BRCA2: variants seen among roughly 807,000 people sequenced by gnomAD.
BRCA2 encodes the protein breast cancer type 2 susceptibility protein.
A neutral mutation model predicts 276.7 loss-of-function variants in BRCA2; 203 were observed. The ratio of observed to expected loss-of-function variants is 0.73; its 90% CI spans 0.65 to 0.82. The LOEUF (loss-of-function observed/expected upper bound fraction) is 0.82. Among genes scored for constraint, BRCA2 ranks in the 40% least tolerant of loss-of-function variants. BRCA2 has a pLI of 0.00. For missense variants in BRCA2, 3,920 were observed against 3,915.0 expected (o/e 1.00, Z -0.03); for synonymous variants, 1,289 against 1,338.4 (o/e 0.96, Z 0.81).
At position 32,316,507 on chromosome 13, in the gene BRCA2, A is replaced by G. The variant is rs876660440; in HGVS notation, c.47A>G (p.Lys16Arg). 6.8e-6 allele frequency: 11 copies of G among 1,613,990 alleles called. No homozygotes were observed. The highest frequency in any genetic ancestry group is 9.3e-6 in the Non-Finnish European group (11 of 1,179,852). ...AGGCCAACATTTTTTGAAATTTTTA[A>G]GACACGCTGCAACAAAGCAGGTATT... The part of the protein sequence containing the change: ...KERPTFFEIF[K>R]TRCNKADLGP... The change falls in exon 2 of 27, where the codon AAG (lysine) becomes AGG (arginine). Residue 16 changes from lysine (K) to arginine (R), a missense_variant. Lys to Arg is a conservative substitution (Grantham distance 26). Transcript: ENST00000380152.
intron 25 of BRCA2, among the ~76,000 whole-genome samples, chr13:32,395,803 A>C (rs1204661167): frequency 6.6e-6 from 1 of 152,116 alleles, no homozygotes; most frequent in Non-Finnish European, 1.5e-5. Flanking sequence ...CTGTATAAAG[A>C]AAGCTGTGTT....
At position 32,338,249 on chromosome 13, in the gene BRCA2, T is replaced by G. The variant is rs41293487; in HGVS notation, c.3894T>G (p.Ile1298Met). The G allele has an allele frequency of 1.3e-6, 2 of 1,548,960 alleles. No homozygotes were observed. The highest frequency in any genetic ancestry group is 1.7e-6 in the Non-Finnish European group (2 of 1,148,788). The change falls in exon 11 of 27, where the codon ATT becomes ATG. Residue 1298 changes from isoleucine (I) to methionine (M), a missense_variant. Around this residue, in one of 2 missense-constraint regions of BRCA2, gnomAD observed 3,263 missense variants for 3,156.9 expected, o/e 1.03. Coordinates refer to ENST00000380152, the MANE Select transcript of BRCA2 (RefSeq NM_000059.4). ...GCCAACTGATATTACAAAATAATATTGAAATGACTACTGGCACTTTTGTTG... is the reference window on the plus strand; with the variant it reads ...GCCAACTGATATTACAAAATAATATGGAAATGACTACTGGCACTTTTGTTG... ...NKCQLILQNN[I>M]EMTTGTFVEE...
Position 32,339,093 on chromosome 13 carries a change from T to C in BRCA2, c.4738T>C (p.Cys1580Arg), listed in dbSNP as rs2072511910. The C allele has an allele frequency of 6.2e-7, 1 of 1,613,988 alleles. No individual in the cohort carries two copies. The change falls in exon 11 of 27, where the codon TGT (cysteine) becomes CGT (arginine). Residue 1580 changes from cysteine (C) to arginine (R), a missense_variant. Physicochemically the swap from Cys to Arg is radical, Grantham distance 180. Transcript: ENST00000380152. ...REACKDLELACETIEITAAPK... is the reference protein window; with the variant it reads ...REACKDLELARETIEITAAPK... ...GGCCTGTAAAGACCTTGAATTAGCA[T>C]GTGAGACCATTGAGATCACAGCTGC...
chr13:32,351,203 A>G (rs996445914), intron 13 of BRCA2, among the ~76,000 whole-genome samples: 1 of 152,140 alleles, frequency 6.6e-6, no homozygotes, highest in Non-Finnish European at 1.5e-5. Context: ...AGTGAGCACT[A>G]CCTTTATGAG....
rs587782010 is a variant in BRCA2 at position 32,371,076 on chromosome 13, C to G, written c.8608C>G (p.Gln2870Glu). ...KRLEALFTKI[Q>E]EEFEEHEENT... ...ACTAGAAGCCTTATTCACTAAAATTCAGGAGGAATTTGAAGAACATGAAGG... is the reference window on the plus strand; with the variant it reads ...ACTAGAAGCCTTATTCACTAAAATTGAGGAGGAATTTGAAGAACATGAAGG... Residue 2870 changes from glutamine to glutamate, a missense_variant, in exon 20 of 27, where the codon CAG becomes GAG. Coordinates refer to ENST00000380152, the MANE Select transcript of BRCA2 (RefSeq NM_000059.4). 6.2e-7 allele frequency: 1 copy of G among 1,614,010 alleles called. No homozygotes were observed. The highest frequency in any genetic ancestry group is 8.5e-7 in the Non-Finnish European group (1 of 1,179,936).
At chr13:32,347,055 G>A (rs534038332) in intron 13 of BRCA2, among the ~76,000 whole-genome samples, 159 bp downstream of exon 13, 2 of 152,020 alleles carry the variant, frequency 1.3e-5, no homozygotes, top group South Asian at 4.2e-4. Flanking sequence ...TTATAGTGCT[G>A]TTCATATCAT....
In BRCA2 at chr13:32,371,055, G is replaced by GA. The variant is rs1566249353; in HGVS notation, c.8589dup (p.Ala2864SerfsTer5). 1 of 1,614,150 alleles carries GA rather than the reference G, an allele frequency of 6.2e-7. No individual in the cohort carries two copies. The highest frequency in any genetic ancestry group is 2.2e-5 in the East Asian group (1 of 44,868). ...TGTGGAGGCCCAACAAAAGAGACTA[G>GA]AAGCCTTATTCACTAAAATTCAGGA... On this transcript the variant is annotated frameshift_variant, in exon 20 of 27. Transcript: ENST00000380152. LOFTEE classifies it high-confidence loss of function.
At chr13:32,326,847 C>G (rs185092798) in intron 7 of BRCA2, among the ~76,000 whole-genome samples, 3 of 152,164 alleles carry the variant, frequency 2.0e-5, no homozygotes, top group Non-Finnish European at 4.4e-5. Context: ...ATGTGATTAA[C>G]GTAGAATAGC....
rs185071117 is a variant in BRCA2, at chr13:32,387,824, A to T, written c.9257-6865A>T. 3.9e-5 allele frequency among the ~76,000 whole-genome samples: 6 copies of T among 152,266 alleles called. No individual in the cohort carries two copies. In the East Asian group the frequency reaches 1.2e-3, roughly 29 times the overall value. ...GCTGCCTTCCCTCTCTGTTTCGGCT[A>T]CCTAAAAGGAAAGGGCCCCCTATCC... On this transcript the variant is annotated intron_variant, in intron 24 of 26. Transcript: ENST00000380152.
In BRCA2 at chr13:32,336,615, C is replaced by G. The variant is rs80358496; in HGVS notation, c.2260C>G (p.Gln754Glu). 1 of 1,614,048 alleles carries G rather than the reference C, an allele frequency of 6.2e-7. No homozygotes were observed. The highest frequency in any genetic ancestry group is 8.5e-7 in the Non-Finnish European group (1 of 1,179,976). Residue 754 changes from glutamine (Q) to glutamate (E), a missense_variant, in exon 11 of 27, where the codon CAA (glutamine) becomes GAA (glutamate). Physicochemically the swap from Gln to Glu is conservative, Grantham distance 29. Transcript: ENST00000380152. ...SKVEYSDTDF[Q>E]SQKSLLYDHE... ...AGTGGAATACAGTGATACTGACTTT[C>G]AATCCCAGAAAAGTCTTTTATATGA...
At chr13:32,375,000 A>G (rs1210542127) in intron 20 of BRCA2, among the ~76,000 whole-genome samples, 1 of 152,236 alleles carries the variant, frequency 6.6e-6, no homozygotes, top group Non-Finnish European at 1.5e-5. Flanking sequence ...ACTTACAATC[A>G]TAGTGGAAGA....
rs2137496798 is a variant in BRCA2, at chr13:32,337,814, G to T, written c.3459G>T (p.Lys1153Asn). 1 of 1,614,056 alleles carries T rather than the reference G, an allele frequency of 6.2e-7. No homozygotes were observed. Among genetic ancestry groups the T allele is most frequent in the South Asian group, 1.1e-5 (1 of 91,084 alleles). ...CTGAAAACCAGATGACTATCTTAAA[G>T]ACCACTTCTGAGGAATGCAGAGATG... ...EVPENQMTIL[K>N]TTSEECRDAD... The change falls in exon 11 of 27, where the codon AAG becomes AAT. Residue 1153 changes from lysine to asparagine, a missense_variant. Physicochemically the swap from Lys to Asn is moderately conservative, Grantham distance 94 (BLOSUM62 0). This residue lies in a region of BRCA2 where 3,263 missense variants were observed against 3,156.9 expected (regional missense o/e 1.03). Transcript: ENST00000380152.
rs1426487012 is a variant in BRCA2, at chr13:32,355,301, A to AATTT, written c.7435+14_7435+17dup. On this transcript the variant is annotated intron_variant, in intron 14 of 26. Transcript: ENST00000380152. ...GAAGAACCTTTAGGTATTGTATGAC[A>AATTT]ATTTGTGTGATGAATTTTTGCCTTT... 6.2e-7 allele frequency: 1 copy of AATTT among 1,613,284 alleles called. No homozygotes were observed. The highest frequency in any genetic ancestry group is 8.5e-7 in the Non-Finnish European group (1 of 1,179,622).
intron 24 of BRCA2, among the ~76,000 whole-genome samples, chr13:32,393,039 G>A (rs1407378884): frequency 6.6e-6 from 1 of 152,154 alleles, no homozygotes; most frequent in Non-Finnish European, 1.5e-5. Context: ...ATGAAGTTAT[G>A]CATTTCTGGC....
Position 32,325,687 on chromosome 13 carries a change from C to T in BRCA2, c.426-414C>T, listed in dbSNP as rs11571616. Among the ~76,000 whole-genome samples, 897 of 151,822 alleles carry T rather than the reference C, an allele frequency of 5.9e-3. 9 individuals carry two copies. Among genetic ancestry groups the T allele is most frequent in the African/African-American group, 0.021 (866 of 41,404 alleles). On this transcript the variant is annotated intron_variant, in intron 4 of 26. Coordinates refer to ENST00000380152, the MANE Select transcript of BRCA2 (RefSeq NM_000059.4). ...TCCCAAGTAGCTGGGACTACAGGCG[C>T]CCGCCACCATGCCCGGCTAATTTTT...
chr13:32,335,014 T>A (rs1362158654), intron 10 of BRCA2, among the ~76,000 whole-genome samples: 1 of 152,212 alleles, frequency 6.6e-6, no homozygotes, highest in African/African-American at 2.4e-5. Flanking sequence ...GAGGAAAATG[T>A]TTGATACTAT....
intron 26 of BRCA2, among the ~76,000 whole-genome samples, 170 bp from the exon 27 acceptor site, chr13:32,397,992 T>A (rs745380428): frequency 1.3e-5 from 2 of 152,202 alleles, no homozygotes; most frequent in Non-Finnish European, 2.9e-5. Flanking sequence ...ATTACTTTCA[T>A]CTAGAATAGG....
intron 26 of BRCA2, among the ~76,000 whole-genome samples, 176 bp from the exon 27 acceptor site, chr13:32,397,986 C>CT (rs1323104055): frequency 1.3e-5 from 2 of 152,082 alleles, no homozygotes; most frequent in Non-Finnish European, 2.9e-5. Flanking sequence ...TGTAAAATTA[C>CT]TTTCATCTAG....
At position 32,340,685 on chromosome 13, in the gene BRCA2, TAAG is replaced by T. The variant is rs1348267664; in HGVS notation, c.6332_6334del (p.Lys2111del). 1 of 1,609,018 alleles carries T rather than the reference TAAG, an allele frequency of 6.2e-7. No individual in the cohort carries two copies. The highest frequency in any genetic ancestry group is 2.2e-5 in the East Asian group (1 of 44,808). ...TATCAAAAATACTTCCTCGTGTTGA[TAAG>T]AGAAACCCAGAGCACTGTGTAAACT... On this transcript the variant is annotated inframe_deletion, in exon 11 of 27. Transcript: ENST00000380152.
Sources: allele counts gnomAD v4.1 joint callset (sites outside exome capture counted in the v4.1 genomes callset), GRCh38; gene constraint gnomAD v4.1.1; regional missense constraint gnomAD v4.1.1; transcripts MANE v1.5; gene names NCBI Gene and HGNC (gene_info 2026-07-23, HGNC 2026-07-21).